Variants in DNTTIP2 observed in about 807,000 individuals in gnomAD.
The protein encoded by DNTTIP2 is deoxynucleotidyltransferase terminal interacting protein 2.
A neutral mutation model predicts 62.4 loss-of-function variants in DNTTIP2; 47 were observed. The ratio of observed to expected loss-of-function variants is 0.75; its 90% CI spans 0.60 to 0.96. DNTTIP2 has a LOEUF of 0.96. Ranked by LOEUF, DNTTIP2 falls within the 40% of genes least tolerant of loss-of-function variation. The pLI is 0.00. For missense variants in DNTTIP2, 870 were observed against 849.1 expected (o/e 1.02, Z -0.31); for synonymous variants, 322 against 300.9 (o/e 1.07, Z -0.73).
chr1:93,870,262 A>C (rs1451563774), intron 6 of DNTTIP2, among the ~76,000 whole-genome samples: 1 of 152,202 alleles, frequency 6.6e-6, no homozygotes, highest in East Asian at 1.9e-4. Flanking sequence ...AGCAAAACAA[A>C]AAGTCACACT....
chr1:93,870,784 G>T lies in DNTTIP2; in HGVS notation c.2076C>A (p.Thr692=). Residue 692 remains threonine (T), a synonymous_variant, in exon 6 of 7, where the codon ACC becomes ACA. Coordinates refer to ENST00000436063, the MANE Select transcript of DNTTIP2 (RefSeq NM_014597.5). ...DGFPKYFQIG[T]IVDNPADFYH... ...AGAAATCAGCTGGATTGTCAACAAT[G>T]GTTCCAATCTGTGAACAATTGATTG... 2 of 1,542,836 alleles carry T rather than the reference G, an allele frequency of 1.3e-6. No individual in the cohort carries two copies. The highest frequency in any genetic ancestry group is 2.3e-5 in the East Asian group (1 of 42,888).
At chr1:93,869,977 T>C (rs767593134) in intron 6 of DNTTIP2, 33 bp from the exon 7 acceptor site, 1 of 767,616 alleles carries the variant, frequency 1.3e-6, no homozygotes, top group African/African-American at 1.7e-5. Context: ...TTATGTTTGA[T>C]ATATCAGACA....
intron 3 of DNTTIP2, among the ~76,000 whole-genome samples, chr1:93,874,357 C>T (rs1655945351): frequency 6.6e-6 from 1 of 151,918 alleles, no homozygotes; most frequent in African/African-American, 2.4e-5. Context: ...AGTGCTGAGA[C>T]TGAAAAACCC....
chr1:93,870,528 T>C (rs1280716192), intron 6 of DNTTIP2, among the ~76,000 whole-genome samples, 155 bp downstream of exon 6: 1 of 152,114 alleles, frequency 6.6e-6, no homozygotes, highest in East Asian at 1.9e-4. Context: ...ATTAAAGAGA[T>C]TTGCACTAAA....
At chr1:93,873,428 A>T (rs1290116833) in intron 3 of DNTTIP2, 1 of 106,520 alleles carries the variant, frequency 9.4e-6, no homozygotes. Context: ...CCTGACTGTA[A>T]AAAAAAAAAA....
intron 3 of DNTTIP2, among the ~76,000 whole-genome samples, chr1:93,873,882 A>C (rs972173103): frequency 1.3e-5 from 2 of 152,218 alleles, no homozygotes; most frequent in African/African-American, 2.4e-5. Context: ...TGTGTGACTA[A>C]AGGAACCTCA....
rs762729170 is a variant in DNTTIP2, at chr1:93,870,643, C to G, written c.2177+40G>C. On this transcript the variant is annotated intron_variant, in intron 6 of 6. Transcript: ENST00000436063. ...TTTATAAGTTTATACATTTTTAAAG[C>G]AAAGTATACATATTATAAAATAAAT... is the stretch of plus-strand genomic sequence containing the variant. 6.1e-6 allele frequency: 7 copies of G among 1,152,058 alleles called. No homozygotes were observed. In the Middle Eastern group the frequency reaches 9.4e-4, roughly 155 times the overall value. The allele number at this position is 1,152,058 out of a possible 1,614,324, so 71.4% of individuals were successfully genotyped here. A position where few individuals can be genotyped will look rare whatever the true frequency, so the allele number is the denominator to read the frequency against.
intron 1 of DNTTIP2, 137 bp downstream of exon 1, chr1:93,878,940 G>T: frequency 8.8e-7 from 1 of 1,142,024 alleles, no homozygotes; most frequent in Non-Finnish European, 1.2e-6. Context: ...CACGGGGCCT[G>T]GGAGACCCAA....
rs377608013 is a variant in DNTTIP2, at chr1:93,879,107, T to A, written c.42A>T (p.Gln14His). 6.2e-6 allele frequency: 10 copies of A among 1,613,648 alleles called. No individual in the cohort carries two copies. The African/African-American group carries it at 1.1e-4, about 17-fold the overall frequency. ...GCCCGGAACTTTCAGCCGACGCGGC[T>A]TGGATGCTGGCCTTAGCCCGTGCAG... ...TRSARAKASI[Q>H]AASAESSGQK... Residue 14 changes from glutamine to histidine, a missense_variant, in exon 1 of 7, where the codon CAA becomes CAT. Transcript: ENST00000436063.
Position 93,877,091 on chromosome 1 carries a change from C to A in DNTTIP2, c.844G>T (p.Glu282Ter), listed in dbSNP as rs200584102. 2 of 1,611,320 alleles carry A rather than the reference C, an allele frequency of 1.2e-6. No homozygotes were observed. Among genetic ancestry groups the A allele is most frequent in the Non-Finnish European group, 1.7e-6 (2 of 1,179,740 alleles). ...RSSENILTVHEQANVESLKET... is the reference protein window; with the variant it reads ...RSSENILTVH ...TTAAGAGATTCAACATTGGCCTGTT[C>A]GTGCACTGTTAATATATTTTCTGAA... is the stretch of plus-strand genomic sequence containing the variant. The change falls in exon 2 of 7, where the codon GAA (glutamate) becomes TAA (stop). Residue 282 changes from glutamate to a stop codon, truncating the protein, a stop_gained. Coordinates refer to ENST00000436063, the MANE Select transcript of DNTTIP2 (RefSeq NM_014597.5). LOFTEE classifies it high-confidence loss of function.
chr1:93,877,250 T>A lies in DNTTIP2; in HGVS notation c.685A>T (p.Ile229Phe). 1 of 1,613,942 alleles carries A rather than the reference T, an allele frequency of 6.2e-7. No homozygotes were observed. The highest frequency in any genetic ancestry group is 8.5e-7 in the Non-Finnish European group (1 of 1,179,870). ...TCTGAATTCACAGGTGTACCCACGATCTGTTTCTCATTTCCTGGTACAATC... is the reference window on the plus strand; with the variant it reads ...TCTGAATTCACAGGTGTACCCACGAACTGTTTCTCATTTCCTGGTACAATC... ...SKIVPGNEKQIVGTPVNSEDS... is the reference protein window; with the variant it reads ...SKIVPGNEKQFVGTPVNSEDS... Residue 229 changes from isoleucine to phenylalanine, a missense_variant, in exon 2 of 7, where the codon ATC (isoleucine) becomes TTC (phenylalanine). Coordinates refer to ENST00000436063, the MANE Select transcript of DNTTIP2 (RefSeq NM_014597.5).
Position 93,876,439 on chromosome 1 carries a change from G to T in DNTTIP2, c.1496C>A (p.Ala499Asp). ...CTCTTCCAAGTAAAAATTTTTATCA[G>T]CACTCATTCCAGGAGTTGTGTCAAT... The part of the protein sequence containing the change: ...FVIDTTPGMS[A>D]DKNFYLEEED... Residue 499 changes from alanine to aspartate, a missense_variant, in exon 2 of 7, where the codon GCT (alanine) becomes GAT (aspartate). Physicochemically the swap from Ala to Asp is moderately radical, Grantham distance 126. Coordinates refer to ENST00000436063, the MANE Select transcript of DNTTIP2 (RefSeq NM_014597.5). 1 of 1,613,482 alleles carries T rather than the reference G, an allele frequency of 6.2e-7. No individual in the cohort carries two copies. Among genetic ancestry groups the T allele is most frequent in the South Asian group, 1.1e-5 (1 of 91,044 alleles).
chr1:93,872,124 G>T lies in DNTTIP2; in HGVS notation c.2015C>A (p.Pro672Gln), dbSNP rs367746927. 1 of 1,613,614 alleles carries T rather than the reference G, an allele frequency of 6.2e-7. No individual in the cohort carries two copies. Among genetic ancestry groups the T allele is most frequent in the Non-Finnish European group, 8.5e-7 (1 of 1,179,728 alleles). ...ATCATTTTTCTTGTAAAATCTTTTC[G>T]GGTCCATGCTGGCTCTCATCTTCAG... ...KALKMRASMD[P>Q]KRFYKKNDRD... The change falls in exon 5 of 7, where the codon CCG becomes CAG. Residue 672 changes from proline (P) to glutamine (Q), a missense_variant. By Grantham distance (76) the Pro-to-Gln change is moderately conservative. Coordinates refer to ENST00000436063, the MANE Select transcript of DNTTIP2 (RefSeq NM_014597.5).
At position 93,877,869 on chromosome 1, in the gene DNTTIP2, A is replaced by C; in HGVS notation, c.73-7T>G. ...TCCCATTAGCAGCAAAACTCTGCAA[A>C]CCAGAGAAAACACACTGTAATTTAG... On this transcript the variant is annotated splice_polypyrimidine_tract_variant and splice_region_variant and intron_variant, in intron 1 of 6. Coordinates refer to ENST00000436063, the MANE Select transcript of DNTTIP2 (RefSeq NM_014597.5). 9 of 1,596,258 alleles carry C rather than the reference A, an allele frequency of 5.6e-6. No homozygotes were observed. The highest frequency in any genetic ancestry group is 7.6e-6 in the Non-Finnish European group (9 of 1,177,824).
In DNTTIP2 at chr1:93,873,172, G is replaced by A. The variant is rs757896186; in HGVS notation, c.1849C>T (p.His617Tyr). 13 of 1,612,382 alleles carry A rather than the reference G, an allele frequency of 8.1e-6. No homozygotes were observed. In the East Asian group the frequency reaches 2.7e-4, roughly 33 times the overall value. ...AVITPDFEKN[H>Y]CVPPYSESKY... ...GATTCACTATATGGTGGAACACAGTGGTTTTTTTCAAAATCAGGTGTAATG... is the reference window on the plus strand; with the variant it reads ...GATTCACTATATGGTGGAACACAGTAGTTTTTTTCAAAATCAGGTGTAATG... Residue 617 changes from histidine (H) to tyrosine (Y), a missense_variant, in exon 4 of 7, where the codon CAC becomes TAC. His to Tyr is a moderately conservative substitution (Grantham distance 83). Coordinates refer to ENST00000436063, the MANE Select transcript of DNTTIP2 (RefSeq NM_014597.5).
intron 3 of DNTTIP2, chr1:93,873,510 AAGGATCACTTG>A (rs1655922463): frequency 4.1e-6 from 1 of 241,528 alleles, no homozygotes; most frequent in Admixed American, 5.7e-5. Context: ...GCTAAGGCAG[AAGGATCACTTG>A]AGGCCAGGAG....
At chr1:93,871,035 G>A (rs2100882813) in intron 5 of DNTTIP2, 1 of 282,976 alleles carries the variant, frequency 3.5e-6, no homozygotes. Context: ...AATTCATGAT[G>A]CACAGTGTAA....
Position 93,870,742 on chromosome 1 carries a change from G to C in DNTTIP2, c.2118C>G (p.Pro706=). 5 of 1,573,972 alleles carry C rather than the reference G, an allele frequency of 3.2e-6. No homozygotes were observed. The highest frequency in any genetic ancestry group is 1.3e-5 in the African/African-American group (1 of 74,502). Residue 706 remains proline (P), a synonymous_variant, in exon 6 of 7, where the codon CCC becomes CCG. Coordinates refer to ENST00000436063, the MANE Select transcript of DNTTIP2 (RefSeq NM_014597.5). Reference sequence around the variant, plus strand: ...CAATAGTTCTTTTCCTTTGCTTCTTGGGAATTCGTGAATGGTAGAAATCAG... The same window carrying C: ...CAATAGTTCTTTTCCTTTGCTTCTTCGGAATTCGTGAATGGTAGAAATCAG... ...NPADFYHSRI[P]KKQRKRTIVE...
Position 93,876,719 on chromosome 1 carries a change from T to C in DNTTIP2, c.1216A>G (p.Ile406Val), listed in dbSNP as rs1420780290. ...CTGTTCATGTCTTCACTGACACTTA[T>C]AACTGTGGACTCTTCTTCATCATCA... ...GSDDEEESTV[I>V]SVSEDMNSEG... The change falls in exon 2 of 7, where the codon ATA becomes GTA. Residue 406 changes from isoleucine to valine, a missense_variant. Ile to Val is a conservative substitution (Grantham distance 29). Coordinates refer to ENST00000436063, the MANE Select transcript of DNTTIP2 (RefSeq NM_014597.5). The C allele has an allele frequency of 7.4e-6, 12 of 1,613,934 alleles. No individual in the cohort carries two copies. The highest frequency in any genetic ancestry group is 1.7e-5 in the Admixed American group (1 of 60,016).
Sources: gnomAD v4.1 joint callset for allele counts (sites outside exome capture counted in the v4.1 genomes callset) on GRCh38, gnomAD v4.1.1 for gene constraint, MANE v1.5 for transcripts, NCBI Gene and HGNC (gene_info 2026-07-23, HGNC 2026-07-21) for gene names.